Variants in PLXDC1 observed in about 807,000 individuals in gnomAD.
PLXDC1 encodes plexin domain-containing protein 1.
In PLXDC1, 39 loss-of-function variants were observed where a neutral mutation model predicts 61.3. The ratio of observed to expected loss-of-function variants is 0.64; its 90% CI spans 0.49 to 0.83. The LOEUF (loss-of-function observed/expected upper bound fraction) is 0.83, where lower values mean the gene tolerates loss of function less well. Among genes scored for constraint, PLXDC1 ranks in the 40% least tolerant of loss-of-function variants. PLXDC1 has a pLI of 0.00. For synonymous variants in PLXDC1, 212 were observed against 254.5 expected (o/e 0.83, Z 1.59); for missense variants, 596 against 666.5 (o/e 0.89, Z 1.17).
chr17:39,083,939 A>G (rs1909654046), intron 8 of PLXDC1, among the ~76,000 whole-genome samples: 1 of 150,668 alleles, frequency 6.6e-6, no homozygotes, highest in Non-Finnish European at 1.5e-5. Flanking sequence ...CTTCCTTCTC[A>G]CTAGAAGGTC....
chr17:39,128,825 A>G (rs926280261), intron 2 of PLXDC1, among the ~76,000 whole-genome samples: 1 of 151,646 alleles, frequency 6.6e-6, no homozygotes, highest in Non-Finnish European at 1.5e-5. Flanking sequence ...CCTGGCTAAC[A>G]TGGTGAAACC....
chr17:39,105,807 G>C (rs374094648), intron 7 of PLXDC1, 47 bp downstream of exon 7: 12 of 1,222,304 alleles, frequency 9.8e-6, no homozygotes, highest in Non-Finnish European at 1.4e-5. Context: ...CAGTCTGAGC[G>C]GAGTCCTACC....
intron 4 of PLXDC1, 169 bp downstream of exon 4, chr17:39,108,735 G>A: frequency 1.6e-6 from 1 of 624,556 alleles, no homozygotes; most frequent in South Asian, 1.8e-5. Flanking sequence ...CAAGGGAGAT[G>A]CTCTGACGTC....
intron 7 of PLXDC1, among the ~76,000 whole-genome samples, chr17:39,102,945 A>C (rs1323378450): frequency 6.6e-6 from 1 of 152,062 alleles, no homozygotes; most frequent in Non-Finnish European, 1.5e-5. Context: ...TAACTTTATA[A>C]ATGAAGATAA....
At chr17:39,077,860 G>A in intron 11 of PLXDC1, 53 bp downstream of exon 11, 3 of 1,600,920 alleles carry the variant, frequency 1.9e-6, no homozygotes, top group Non-Finnish European at 2.6e-6. Context: ...AGAGGGGTGG[G>A]TAGCTCTCCT....
chr17:39,108,985 G>A lies in PLXDC1; in HGVS notation c.400-12C>T, dbSNP rs752114062. 14 of 1,605,900 alleles carry A rather than the reference G, an allele frequency of 8.7e-6. No homozygotes were observed. Among genetic ancestry groups the A allele is most frequent in the African/African-American group, 1.3e-5 (1 of 74,764 alleles). ...GACAAGACCACTCTCTGCAGGGGATGGGAGAAAGTCAGCACGGGCCAAGCT... is the reference window on the plus strand; with the variant it reads ...GACAAGACCACTCTCTGCAGGGGATAGGAGAAAGTCAGCACGGGCCAAGCT... On this transcript the variant is annotated splice_polypyrimidine_tract_variant and intron_variant, in intron 3 of 13. Transcript: ENST00000315392.
chr17:39,102,705 T>TACACACACACACAC (rs553513409), intron 7 of PLXDC1, among the ~76,000 whole-genome samples: 84 of 136,138 alleles, frequency 6.2e-4, no homozygotes, highest in African/African-American at 2.0e-3. Flanking sequence ...TGCTATCAAA[T>TACACACACACACAC]ACACACACAC....
intron 7 of PLXDC1, among the ~76,000 whole-genome samples, chr17:39,094,641 C>T (rs777099689): frequency 6.6e-6 from 1 of 152,204 alleles, no homozygotes; most frequent in Non-Finnish European, 1.5e-5. Context: ...GAATTTATCT[C>T]TGTACCTCAT....
chr17:39,148,809 C>T (rs147362313), intron 1 of PLXDC1, among the ~76,000 whole-genome samples: 1 of 152,188 alleles, frequency 6.6e-6, no homozygotes, highest in East Asian at 1.9e-4. Flanking sequence ...AGCTATCCTC[C>T]CACCTCAGCC....
chr17:39,092,148 A>G (rs749978814), intron 7 of PLXDC1, among the ~76,000 whole-genome samples: 1 of 152,008 alleles, frequency 6.6e-6, no homozygotes, highest in Non-Finnish European at 1.5e-5. Context: ...GCGCAATCAC[A>G]GTTCACTGCA....
chr17:39,133,762 G>A (rs1450416875), intron 2 of PLXDC1, among the ~76,000 whole-genome samples: 1 of 152,120 alleles, frequency 6.6e-6, no homozygotes, highest in Non-Finnish European at 1.5e-5. Flanking sequence ...AAGACTACAG[G>A]CGTGCACCAC....
intron 7 of PLXDC1, among the ~76,000 whole-genome samples, chr17:39,101,213 A>G (rs1910407767): frequency 6.6e-6 from 1 of 152,266 alleles, no homozygotes; most frequent in Non-Finnish European, 1.5e-5. Flanking sequence ...TAGCAGCAAC[A>G]TAACAGAGGC....
chr17:39,145,046 G>A (rs1912052060), intron 1 of PLXDC1, among the ~76,000 whole-genome samples: 1 of 152,194 alleles, frequency 6.6e-6, no homozygotes, highest in South Asian at 2.1e-4. Flanking sequence ...CACAGAACCA[G>A]TCCATGGCAG....
At chr17:39,101,058 T>C (rs1483852650) in intron 7 of PLXDC1, among the ~76,000 whole-genome samples, 1 of 152,230 alleles carries the variant, frequency 6.6e-6, no homozygotes, top group Non-Finnish European at 1.5e-5. Context: ...CAGGGCCCCA[T>C]GGCATGGAGC....
At chr17:39,092,612 G>A (rs1909999227) in intron 7 of PLXDC1, among the ~76,000 whole-genome samples, 2 of 152,224 alleles carry the variant, frequency 1.3e-5, no homozygotes, top group African/African-American at 4.8e-5. Flanking sequence ...TTCCTGAGGT[G>A]CACAGACAGA....
intron 2 of PLXDC1, among the ~76,000 whole-genome samples, chr17:39,119,441 T>G (rs879518866): frequency 6.6e-6 from 1 of 152,208 alleles, no homozygotes; most frequent in Non-Finnish European, 1.5e-5. Flanking sequence ...TACAATTATT[T>G]GTCAATTAAA....
intron 1 of PLXDC1, among the ~76,000 whole-genome samples, chr17:39,142,575 C>T (rs959532382): frequency 2.0e-5 from 3 of 152,220 alleles, no homozygotes; most frequent in African/African-American, 7.2e-5. Context: ...GGCTGGAGTG[C>T]AGTGGCACAA....
At chr17:39,147,112 C>T (rs891280872) in intron 1 of PLXDC1, among the ~76,000 whole-genome samples, 2 of 151,874 alleles carry the variant, frequency 1.3e-5, no homozygotes, top group South Asian at 2.1e-4. Flanking sequence ...TGTACCACCA[C>T]GCCCAGCTAA....
chr17:39,146,978 C>T (rs528535307), intron 1 of PLXDC1, among the ~76,000 whole-genome samples: 3 of 102,744 alleles, frequency 2.9e-5, no homozygotes, highest in East Asian at 3.2e-4. Context: ...TTTTTTGAGA[C>T]GGAGTCTCGC....
Sources: gnomAD v4.1 joint callset for allele counts (sites outside exome capture counted in the v4.1 genomes callset) on GRCh38, gnomAD v4.1.1 for gene constraint, MANE v1.5 for transcripts, NCBI Gene and HGNC (gene_info 2026-07-23, HGNC 2026-07-21) for gene names.